Variants in EOGT observed in about 807,000 individuals in gnomAD.
EOGT encodes the protein EGF domain specific O-linked N-acetylglucosamine transferase, also known as EGF domain-specific O-linked N-acetylglucosamine transferase.
Under a neutral mutation model 70.5 loss-of-function variants are expected in EOGT, and 55 were observed. The ratio of observed to expected loss-of-function variants is 0.78; its 90% CI spans 0.63 to 0.98. The LOEUF (loss-of-function observed/expected upper bound fraction) is 0.98. Ranked by LOEUF, EOGT falls within the 50% of genes least tolerant of loss-of-function variation. EOGT has a pLI of 0.00. For synonymous variants in EOGT, 246 were observed against 217.1 expected, an observed-to-expected ratio of 1.13 and a Z score of -1.17; for missense variants, 703 against 641.9, an observed-to-expected ratio of 1.10 and a Z score of -1.03.
At chr3:68,993,295 T>C (rs2091048965) in intron 10 of EOGT, among the ~76,000 whole-genome samples, 1 of 152,174 alleles carries the variant, frequency 6.6e-6, no homozygotes, top group Admixed American at 6.5e-5. Context: ...TTGAATACTT[T>C]CCTGCTTAGA....
chr3:68,998,158 A>ACATGATCAAG (rs746846633), intron 9 of EOGT, 44 bp from the exon 10 acceptor site: 22 of 1,084,146 alleles, frequency 2.0e-5, no homozygotes, highest in Non-Finnish European at 3.1e-5. Context: ...ACCAAAGAGC[A>ACATGATCAAG]CATGATCAAG....
At chr3:68,979,175 A>G (rs2090560502) in intron 16 of EOGT, among the ~76,000 whole-genome samples, 2 of 152,202 alleles carry the variant, frequency 1.3e-5, no homozygotes, top group Non-Finnish European at 2.9e-5. Context: ...AGGGAAGGTC[A>G]TGTCTCCATA....
chr3:69,001,621 C>A lies in EOGT; in HGVS notation c.714G>T (p.Met238Ile), dbSNP rs1310668483. The A allele has an allele frequency of 1.2e-6, 2 of 1,600,916 alleles. No homozygotes were observed. Among genetic ancestry groups the A allele is most frequent in the South Asian group, 2.2e-5 (2 of 89,412 alleles). Residue 238 changes from methionine (M) to isoleucine (I), a missense_variant, in exon 9 of 18, where the codon ATG (methionine) becomes ATT (isoleucine). Met to Ile is a conservative substitution (Grantham distance 10). Transcript: ENST00000383701. ...DIVIEKPTYF[M>I]KLDAGVNMYH... ...GTTATTTCTCACCTGCATCTAATTT[C>A]ATGAAATATGTTGGTTTTTCAATGA...
rs564150532 is a variant in EOGT at position 69,012,709 on chromosome 3, C to A, written c.-265G>T. On this transcript the variant is annotated 5_prime_UTR_variant, in exon 2 of 18. Transcript: ENST00000383701. Reference sequence around the variant, plus strand: ...TGGGTGGCTGCACTCCTCCAGCACACGGACGCTTTACTGGCCAGGCTACTT... The same window carrying A: ...TGGGTGGCTGCACTCCTCCAGCACAAGGACGCTTTACTGGCCAGGCTACTT... The A allele has an allele frequency of 4.9e-4, 75 of 152,446 alleles. No individual in the cohort carries two copies. The highest frequency in any genetic ancestry group is 1.6e-3 in the African/African-American group (67 of 41,546). The allele number at this position is 152,446 out of a possible 1,614,324, so 9.4% of individuals were successfully genotyped here.
intron 15 of EOGT, among the ~76,000 whole-genome samples, chr3:68,981,972 T>A (rs551881180): frequency 4.0e-5 from 6 of 151,882 alleles, no homozygotes; most frequent in African/African-American, 1.5e-4. Flanking sequence ...AATGGTGCAA[T>A]GTCAGCTCCC....
At chr3:68,992,013 C>T (rs2091007929) in intron 10 of EOGT, among the ~76,000 whole-genome samples, 1 of 152,164 alleles carries the variant, frequency 6.6e-6, no homozygotes, top group Non-Finnish European at 1.5e-5. Flanking sequence ...CAATTACCTC[C>T]CCTTGGGTCC....
intron 9 of EOGT, among the ~76,000 whole-genome samples, chr3:69,000,734 C>A (rs1240703244): frequency 6.6e-6 from 1 of 152,144 alleles, no homozygotes; most frequent in Non-Finnish European, 1.5e-5. Flanking sequence ...TGTTTCTCCT[C>A]CCCAGTGTAA....
At position 68,977,458 on chromosome 3, in the gene EOGT, C is replaced by T; in HGVS notation, c.*160G>A. 1 of 670,558 alleles carries T rather than the reference C, an allele frequency of 1.5e-6. No homozygotes were observed. Among genetic ancestry groups the T allele is most frequent in the Non-Finnish European group, 2.4e-6 (1 of 423,338 alleles). 41.5% of individuals were successfully genotyped at this position (670,558 alleles called of 1,614,324 possible). ...AATGACACAAAAACCACATGAAACA[C>T]TTAACATCTATACAACACATAACAA... On this transcript the variant is annotated 3_prime_UTR_variant, in exon 18 of 18. Transcript: ENST00000383701.
At chr3:68,994,079 T>G (rs919987837) in intron 10 of EOGT, among the ~76,000 whole-genome samples, 4 of 152,014 alleles carry the variant, frequency 2.6e-5, no homozygotes, top group African/African-American at 7.3e-5. Flanking sequence ...GAAAATAAAT[T>G]TAAAAATTAG....
Sources: gnomAD v4.1 joint callset for allele counts (sites outside exome capture counted in the v4.1 genomes callset) on GRCh38, gnomAD v4.1.1 for gene constraint, MANE v1.5 for transcripts, NCBI Gene and HGNC (gene_info 2026-07-23, HGNC 2026-07-21) for gene names.